The following ALDH3A2 variants were observed in gnomAD, a reference collection of about 807,000 sequenced individuals.
ALDH3A2 encodes aldehyde dehydrogenase 3 family member A2.
A neutral mutation model predicts 51.3 loss-of-function variants in ALDH3A2; 36 were observed. That is an observed-to-expected ratio of 0.70 (90% CI 0.54 to 0.93). ALDH3A2 has a LOEUF of 0.93. Among genes scored for constraint, ALDH3A2 ranks in the 40% least tolerant of loss-of-function variants. ALDH3A2 has a pLI of 0.00. For missense variants in ALDH3A2, 552 were observed against 603.1 expected (o/e 0.92, Z 0.89); for synonymous variants, 199 against 219.8 (o/e 0.91, Z 0.84).
chr17:19,673,822 TA>T (rs2085153769), intron 9 of ALDH3A2, among the ~76,000 whole-genome samples: 1 of 152,218 alleles, frequency 6.6e-6, no homozygotes, highest in African/African-American at 2.4e-5. Flanking sequence ...TCCACAATTT[TA>T]AAAGGGTGAA....
At chr17:19,652,778 C>T (rs1392173613) in intron 3 of ALDH3A2, 146 bp downstream of exon 3, 9 of 716,396 alleles carry the variant, frequency 1.3e-5, no homozygotes, top group South Asian at 4.6e-5. Context: ...AAAAGAAGTT[C>T]GGTTCCAAAA....
chr17:19,664,368 C>T (rs1277335724), intron 7 of ALDH3A2, among the ~76,000 whole-genome samples: 1 of 152,204 alleles, frequency 6.6e-6, no homozygotes, highest in African/African-American at 2.4e-5. Flanking sequence ...TGACGTTTGC[C>T]ATGAACAATT....
chr17:19,671,343 G>A (rs2085109985), intron 8 of ALDH3A2, among the ~76,000 whole-genome samples: 1 of 152,226 alleles, frequency 6.6e-6, no homozygotes, highest in African/African-American at 2.4e-5. Flanking sequence ...CCCTGGGCAG[G>A]TTAACTGACC....
intron 4 of ALDH3A2, among the ~76,000 whole-genome samples, chr17:19,657,126 G>A (rs1019058314): frequency 1.3e-5 from 2 of 152,236 alleles, no homozygotes; most frequent in African/African-American, 4.8e-5. Flanking sequence ...GCTCTGGGTG[G>A]TGTGGCTTTC....
At chr17:19,653,543 G>C (rs997819934) in intron 3 of ALDH3A2, among the ~76,000 whole-genome samples, 1 of 152,050 alleles carries the variant, frequency 6.6e-6, no homozygotes, top group East Asian at 1.9e-4. Context: ...TTCGTGGTGA[G>C]TGTTACAGCT....
chr17:19,673,273 G>A (rs556161980), intron 9 of ALDH3A2: 9 of 1,613,964 alleles, frequency 5.6e-6, no homozygotes, highest in Non-Finnish European at 3.4e-6. Context: ...TGTTAAGAGT[G>A]AGGTAGGAAC....
intron 9 of ALDH3A2, among the ~76,000 whole-genome samples, chr17:19,672,667 A>G (rs1482228161): frequency 1.3e-5 from 2 of 152,216 alleles, no homozygotes; most frequent in Admixed American, 1.3e-4. Context: ...AACTGAGGAT[A>G]TAACATTGAA....
At chr17:19,648,560 C>T (rs1423515387), upstream of ALDH3A2, 2 of 188,060 alleles carry the variant, frequency 1.1e-5, no homozygotes, top group Non-Finnish European at 2.2e-5. Context: ...CAACACCTTC[C>T]CTCCATCCCT....
intron 8 of ALDH3A2, among the ~76,000 whole-genome samples, chr17:19,665,368 T>C (rs2085022037): frequency 1.4e-5 from 2 of 143,220 alleles, no homozygotes; most frequent in African/African-American, 5.5e-5. Flanking sequence ...ATTAAGAAGA[T>C]CTCTCTTCGT....
At chr17:19,653,479 C>A (rs1173900609) in intron 3 of ALDH3A2, among the ~76,000 whole-genome samples, 3 of 152,296 alleles carry the variant, frequency 2.0e-5, no homozygotes, top group Non-Finnish European at 2.9e-5. Context: ...TTCGGAGTTT[C>A]TTCCTTCTGG....
rs771519180 is a variant in ALDH3A2 at position 19,675,743 on chromosome 17, A to G, written c.*171A>G. The G allele has an allele frequency of 1.1e-4, 81 of 765,162 alleles. No individual in the cohort carries two copies. The highest frequency in any genetic ancestry group is 1.7e-4 in the Non-Finnish European group (75 of 447,662). 47.4% of individuals were successfully genotyped at this position (765,162 alleles called of 1,614,324 possible). A position where few individuals can be genotyped will look rare whatever the true frequency, so the allele number is the denominator to read the frequency against. ...CATCATTAATAAAAGTTGCCATTTCAACTACGTCCCAACATTCCCTAATAG... is the reference window on the plus strand; with the variant it reads ...CATCATTAATAAAAGTTGCCATTTCGACTACGTCCCAACATTCCCTAATAG... On this transcript the variant is annotated 3_prime_UTR_variant, in exon 10 of 10. Transcript: ENST00000176643.
chr17:19,655,104 A>T (rs1028710085), intron 3 of ALDH3A2, among the ~76,000 whole-genome samples: 4 of 152,206 alleles, frequency 2.6e-5, no homozygotes, highest in African/African-American at 9.6e-5. Flanking sequence ...GGAAGTTATG[A>T]TGCCGCGAAG....
At chr17:19,649,894 G>GT (rs1036162948) in intron 1 of ALDH3A2, 6 of 158,572 alleles carry the variant, frequency 3.8e-5, no homozygotes, top group South Asian at 1.6e-4. Context: ...TGTGTGTGTG[G>GT]TTTTTTTGTT....
rs1217945097 is a variant in ALDH3A2 at position 19,654,877 on chromosome 17, C to T, written c.472-1489C>T. Among the ~76,000 whole-genome samples the T allele has an allele frequency of 6.6e-6, 1 of 152,148 alleles. No homozygotes were observed. The highest frequency in any genetic ancestry group is 1.5e-5 in the Non-Finnish European group (1 of 68,028). On this transcript the variant is annotated intron_variant, in intron 3 of 9. Transcript: ENST00000176643. The surrounding 1 kb of genome is among the most constrained non-coding windows in gnomAD (Gnocchi z 4.5). ...CCGCACGCTCTCACCTCTCACCCAGCCTATAAGAGTACTTCTGCTTTCAAA... is the reference window on the plus strand; with the variant it reads ...CCGCACGCTCTCACCTCTCACCCAGTCTATAAGAGTACTTCTGCTTTCAAA...
In ALDH3A2 at chr17:19,663,344, C is replaced by T; in HGVS notation, c.952C>T (p.Leu318Phe). 6.2e-7 allele frequency: 1 copy of T among 1,614,076 alleles called. No individual in the cohort carries two copies. Among genetic ancestry groups the T allele is most frequent in the Non-Finnish European group, 8.5e-7 (1 of 1,179,984 alleles). The change falls in exon 7 of 10, where the codon CTT becomes TTT. Residue 318 changes from leucine (L) to phenylalanine (F), a missense_variant. Coordinates refer to ENST00000176643, the MANE Select transcript of ALDH3A2 (RefSeq NM_000382.3). ...TATTTTCTTTTTAGCCCCAACAGTA[C>T]TTACCGATGTTGATCCTAAAACCAA... is the stretch of plus-strand genomic sequence containing the variant. ...EATRYIAPTVLTDVDPKTKVM... is the reference protein window; with the variant it reads ...EATRYIAPTVFTDVDPKTKVM...
rs886052693 is a variant in ALDH3A2 at position 19,675,950 on chromosome 17, G to A, written c.*378G>A. The A allele has an allele frequency of 3.3e-6, 1 of 306,008 alleles. No homozygotes were observed. Among genetic ancestry groups the A allele is most frequent in the South Asian group, 3.3e-5 (1 of 30,328 alleles). 19.0% of individuals were successfully genotyped at this position (306,008 alleles called of 1,614,324 possible). A position where few individuals can be genotyped will look rare whatever the true frequency, so the allele number is the denominator to read the frequency against. ...TCCTGCCTCTGCTGCCACCATCACT[G>A]TGTGAAGCTTTCAAGAGCTTGGTAC... On this transcript the variant is annotated 3_prime_UTR_variant, in exon 10 of 10. Transcript: ENST00000176643.
Position 19,675,658 on chromosome 17 carries a change from C to T in ALDH3A2, c.*86C>T. ...ATGAACCAATAATTTTTAAATCATA[C>T]CAAAAATAGTAAGAAAATATGCAAA... On this transcript the variant is annotated 3_prime_UTR_variant, in exon 10 of 10. Transcript: ENST00000176643. The T allele has an allele frequency of 2.2e-6, 3 of 1,368,450 alleles. No homozygotes were observed. Among genetic ancestry groups the T allele is most frequent in the Non-Finnish European group, 3.1e-6 (3 of 957,730 alleles). The allele number at this position is 1,368,450 out of a possible 1,614,324, so 84.8% of individuals were successfully genotyped here.
intron 5 of ALDH3A2, among the ~76,000 whole-genome samples, chr17:19,660,164 A>G (rs1158930886): frequency 6.6e-6 from 1 of 152,106 alleles, no homozygotes; most frequent in Non-Finnish European, 1.5e-5. Context: ...CCTTTGAGGC[A>G]TTTATACTCT....
intron 7 of ALDH3A2, 151 bp downstream of exon 7, chr17:19,663,650 C>T (rs1255097468): frequency 9.4e-6 from 9 of 952,694 alleles, no homozygotes; most frequent in African/African-American, 6.6e-5. Context: ...GGTTGTGTTC[C>T]GAGGTTGCTG....
Sources: allele counts gnomAD v4.1 joint callset (sites outside exome capture counted in the v4.1 genomes callset), GRCh38; gene constraint gnomAD v4.1.1; non-coding constraint Gnocchi (gnomAD v3.1); transcripts MANE v1.5; gene names NCBI Gene and HGNC (gene_info 2026-07-23, HGNC 2026-07-21).